Variants in CDH4 observed in about 807,000 individuals in gnomAD.
The protein encoded by CDH4 is cadherin 4.
CDH4 carries 33 observed loss-of-function variants against 86.0 expected under a neutral mutation model. That is an observed-to-expected ratio of 0.38 (90% confidence interval 0.29 to 0.51). The LOEUF is 0.51. Among genes scored for constraint, CDH4 ranks in the 20% least tolerant of loss-of-function variants. The pLI, the probability that CDH4 is intolerant of heterozygous loss-of-function variation, is 0.86. For synonymous variants in CDH4, 555 were observed against 549.4 expected (o/e 1.01, Z -0.14); for missense variants, 1,114 against 1,307.4 (o/e 0.85, Z 2.28).
At chr20:61,639,678 G>T (rs529969644) in intron 2 of CDH4, among the ~76,000 whole-genome samples, 2 of 152,236 alleles carry the variant, frequency 1.3e-5, no homozygotes, top group East Asian at 3.9e-4. Context: ...AAGAGAAAGA[G>T]GCTGTTTCCC....
At chr20:61,356,414 G>A (rs1216623016) in intron 2 of CDH4, among the ~76,000 whole-genome samples, 1 of 152,314 alleles carries the variant, frequency 6.6e-6, no homozygotes, top group African/African-American at 2.4e-5. Flanking sequence ...TCAGCCAGCA[G>A]CCCTGAGAGT....
At chr20:61,367,460 A>C (rs2084816863) in intron 2 of CDH4, among the ~76,000 whole-genome samples, 1 of 151,672 alleles carries the variant, frequency 6.6e-6, no homozygotes, top group Non-Finnish European at 1.5e-5. Context: ...GATAAAAGAA[A>C]ACCACAGAAG....
At chr20:61,326,026 C>T (rs938367185) in intron 2 of CDH4, among the ~76,000 whole-genome samples, 3 of 152,192 alleles carry the variant, frequency 2.0e-5, no homozygotes, top group Admixed American at 1.3e-4. Flanking sequence ...CTAATATACC[C>T]GTGATAGTAG....
intron 2 of CDH4, among the ~76,000 whole-genome samples, chr20:61,403,124 C>G (rs1164697662): frequency 1.3e-5 from 2 of 152,226 alleles, no homozygotes; most frequent in African/African-American, 4.8e-5. Context: ...GCATGGAACA[C>G]AGCTGTGATA....
chr20:61,340,266 A>G (rs1303026452), intron 2 of CDH4, among the ~76,000 whole-genome samples: 1 of 152,212 alleles, frequency 6.6e-6, no homozygotes, highest in Non-Finnish European at 1.5e-5. Context: ...GTCACAGTGT[A>G]CAGTGGAGGG....
chr20:61,275,793 G>A (rs1241095469), intron 2 of CDH4, among the ~76,000 whole-genome samples: 1 of 152,078 alleles, frequency 6.6e-6, no homozygotes, highest in Non-Finnish European at 1.5e-5. Flanking sequence ...CCTGGATTCT[G>A]AGTATCACTG....
chr20:61,455,386 T>C (rs1305600697), intron 2 of CDH4, among the ~76,000 whole-genome samples: 3 of 152,186 alleles, frequency 2.0e-5, no homozygotes, highest in Non-Finnish European at 2.9e-5. Context: ...CAAATCAGTG[T>C]GCCTGTGGGT....
intron 2 of CDH4, among the ~76,000 whole-genome samples, chr20:61,580,597 T>C (rs1259861519): frequency 6.6e-6 from 1 of 152,122 alleles, no homozygotes; most frequent in Non-Finnish European, 1.5e-5. Context: ...GCTGCCTTGC[T>C]GTGCGCTGAA....
At chr20:61,642,798 C>A (rs2087024617) in intron 2 of CDH4, among the ~76,000 whole-genome samples, 1 of 152,116 alleles carries the variant, frequency 6.6e-6, no homozygotes, top group African/African-American at 2.4e-5. Context: ...TGGAGGCTGC[C>A]TGCATTCCTC....
rs117174559 is a variant in CDH4, at chr20:61,860,734, C to T, written c.877+7836C>T. On this transcript the variant is annotated intron_variant, in intron 6 of 15. Coordinates refer to ENST00000614565, the MANE Select transcript of CDH4 (RefSeq NM_001794.5). ...GGCGTCTGTCCAGGTGGCATCCAGGCCCCTGCAGGGTTGGCTACAAGCCAC... is the reference window on the plus strand; with the variant it reads ...GGCGTCTGTCCAGGTGGCATCCAGGTCCCTGCAGGGTTGGCTACAAGCCAC... Among the ~76,000 whole-genome samples, 536 of 152,276 alleles carry T rather than the reference C, an allele frequency of 3.5e-3. 18 individuals are homozygous for T. In the East Asian group the frequency reaches 0.077, roughly 22 times the overall value.
chr20:61,323,791 T>A (rs905643846), intron 2 of CDH4, among the ~76,000 whole-genome samples: 4 of 152,176 alleles, frequency 2.6e-5, no homozygotes, highest in African/African-American at 7.2e-5. Context: ...CTTTAGTACA[T>A]GCAAAATGGG....
At chr20:61,406,554 C>T (rs2085084479) in intron 2 of CDH4, among the ~76,000 whole-genome samples, 2 of 147,408 alleles carry the variant, frequency 1.4e-5, no homozygotes, top group Admixed American at 1.3e-4. Flanking sequence ...GGACCACCAT[C>T]TGCCATCTGC....
chr20:61,583,519 A>C (rs1256192598), intron 2 of CDH4, among the ~76,000 whole-genome samples: 1 of 152,128 alleles, frequency 6.6e-6, no homozygotes, highest in African/African-American at 2.4e-5. Context: ...GGACAGAGGC[A>C]GCTGCGAGGT....
At chr20:61,411,590 A>G (rs1170325464) in intron 2 of CDH4, among the ~76,000 whole-genome samples, 1 of 152,132 alleles carries the variant, frequency 6.6e-6, no homozygotes. Context: ...TGCCACCAGC[A>G]GCAACATTCA....
chr20:61,613,430 A>G (rs924583305), intron 2 of CDH4, among the ~76,000 whole-genome samples: 10 of 151,880 alleles, frequency 6.6e-5, no homozygotes, highest in African/African-American at 2.4e-4. Context: ...CCAGGTAACA[A>G]TCTTCTCACC....
chr20:61,797,592 C>G (rs1979599041), intron 4 of CDH4, among the ~76,000 whole-genome samples: 1 of 152,124 alleles, frequency 6.6e-6, no homozygotes, highest in African/African-American at 2.4e-5. Flanking sequence ...CGAGACCAGC[C>G]TAGGCAAGAT....
At chr20:61,765,246 C>T (rs1169729064) in intron 3 of CDH4, among the ~76,000 whole-genome samples, 2 of 146,302 alleles carry the variant, frequency 1.4e-5, no homozygotes, top group Non-Finnish European at 3.0e-5. Context: ...GGATGGACCT[C>T]CCACAGCCTC....
At chr20:61,647,753 G>T (rs567461350) in intron 2 of CDH4, among the ~76,000 whole-genome samples, 2 of 152,244 alleles carry the variant, frequency 1.3e-5, no homozygotes, top group South Asian at 4.1e-4. Flanking sequence ...GTACCACGGG[G>T]AGTTGATCAC....
At chr20:61,789,764 T>C (rs559168213) in intron 4 of CDH4, among the ~76,000 whole-genome samples, 4 of 152,294 alleles carry the variant, frequency 2.6e-5, no homozygotes, top group Admixed American at 6.5e-5. Context: ...CCATTGCCCC[T>C]GGGAGGTAGA....
Sources: gnomAD v4.1 joint callset for allele counts (sites outside exome capture counted in the v4.1 genomes callset) on GRCh38, gnomAD v4.1.1 for gene constraint, MANE v1.5 for transcripts, NCBI Gene and HGNC (gene_info 2026-07-23, HGNC 2026-07-21) for gene names.